COL14A1: variants seen among roughly 807,000 people sequenced by gnomAD.
The protein encoded by COL14A1 is collagen type XIV alpha 1 chain, also known as collagen alpha-1(XIV) chain.
In COL14A1, 136 loss-of-function variants were observed where a neutral mutation model predicts 230.3. The ratio of observed to expected loss-of-function variants is 0.59; its 90% CI spans 0.51 to 0.68. The LOEUF (loss-of-function observed/expected upper bound fraction) is 0.68. COL14A1 is among the 30% of genes least tolerant of loss of function. The probability of loss-of-function intolerance (pLI) is 0.00; values close to 1 mark genes in which losing one functional copy is unlikely to be tolerated. For missense variants in COL14A1, 1,976 were observed against 2,215.8 expected, an observed-to-expected ratio of 0.89 and a Z score of 2.17; for synonymous variants, 792 against 784.1, an observed-to-expected ratio of 1.01 and a Z score of -0.17.
intron 3 of COL14A1, among the ~76,000 whole-genome samples, chr8:120,159,613 C>T (rs914774199): frequency 3.3e-5 from 5 of 152,098 alleles, no homozygotes; most frequent in African/African-American, 1.2e-4. Context: ...TTGACGTAAA[C>T]ATTCAAACAA....
chr8:120,314,689 A>G (rs781505995), intron 38 of COL14A1, among the ~76,000 whole-genome samples: 1 of 152,224 alleles, frequency 6.6e-6, no homozygotes, highest in African/African-American at 2.4e-5. Flanking sequence ...TGCACATATG[A>G]TTGTGTCTGC....
At chr8:120,228,652 G>A in intron 17 of COL14A1, 58 bp from the exon 18 acceptor site, 2 of 1,302,298 alleles carry the variant, frequency 1.5e-6, no homozygotes, top group Non-Finnish European at 2.2e-6. Context: ...GCTACAACAT[G>A]CTATAGAAAA....
chr8:120,181,454 C>G (rs151133946), intron 5 of COL14A1, among the ~76,000 whole-genome samples: 317 of 152,290 alleles, frequency 2.1e-3, no homozygotes, highest in African/African-American at 7.2e-3. Context: ...CACATACACT[C>G]TCAATGGGAG....
chr8:120,140,236 C>T (rs1377888771), intron 1 of COL14A1, among the ~76,000 whole-genome samples: 1 of 152,190 alleles, frequency 6.6e-6, no homozygotes, highest in African/African-American at 2.4e-5. Context: ...TGTTCTGTTT[C>T]ATACTTATTT....
At chr8:120,131,145 A>G (rs1459078097) in intron 1 of COL14A1, among the ~76,000 whole-genome samples, 3 of 152,126 alleles carry the variant, frequency 2.0e-5, no homozygotes, top group Admixed American at 6.6e-5. Context: ...TTGATTTCAC[A>G]TCTTTGTTAT....
intron 13 of COL14A1, among the ~76,000 whole-genome samples, chr8:120,215,038 C>T (rs1408505836): frequency 6.6e-6 from 1 of 152,152 alleles, no homozygotes; most frequent in Non-Finnish European, 1.5e-5. Context: ...GCAGATGGAA[C>T]CAGTGAAATA....
At chr8:120,128,002 A>C (rs1258183882) in intron 1 of COL14A1, among the ~76,000 whole-genome samples, 1 of 152,200 alleles carries the variant, frequency 6.6e-6, no homozygotes, top group Non-Finnish European at 1.5e-5. Context: ...CTGACAGTAG[A>C]GTGGAGGGAG....
intron 22 of COL14A1, 136 bp downstream of exon 22, chr8:120,250,902 G>T (rs1358163696): frequency 6.5e-6 from 6 of 927,786 alleles, no homozygotes; most frequent in African/African-American, 3.3e-5. Flanking sequence ...CCGCCTCCAG[G>T]GTTCAAGTGA....
At chr8:120,168,906 A>G (rs1816006933) in intron 5 of COL14A1, among the ~76,000 whole-genome samples, 1 of 152,050 alleles carries the variant, frequency 6.6e-6, no homozygotes, top group African/African-American at 2.4e-5. Context: ...CCCAGGCTAG[A>G]ATTTAGTGTC....
chr8:120,274,579 A>G (rs1341110220), intron 26 of COL14A1, among the ~76,000 whole-genome samples: 2 of 151,718 alleles, frequency 1.3e-5, no homozygotes, highest in African/African-American at 4.8e-5. Context: ...TAGAGAACTT[A>G]AAGACTTCTC....
At chr8:120,349,050 A>C (rs1822646866) in intron 45 of COL14A1, among the ~76,000 whole-genome samples, 2 of 152,202 alleles carry the variant, frequency 1.3e-5, no homozygotes, top group Non-Finnish European at 2.9e-5. Flanking sequence ...GAGAACCGGC[A>C]GACTGCCTCC....
At chr8:120,238,683 G>A (rs973717001) in intron 19 of COL14A1, among the ~76,000 whole-genome samples, 2 of 152,206 alleles carry the variant, frequency 1.3e-5, no homozygotes, top group Non-Finnish European at 2.9e-5. Flanking sequence ...CTAGCTCGGT[G>A]TTTGCCCAGA....
intron 44 of COL14A1, among the ~76,000 whole-genome samples, chr8:120,344,018 G>T (rs1382684022): frequency 6.6e-6 from 1 of 152,174 alleles, no homozygotes; most frequent in Non-Finnish European, 1.5e-5. Context: ...AAAATCAAGG[G>T]TTCAAAATCA....
chr8:120,143,393 C>T (rs1354428248), intron 1 of COL14A1, among the ~76,000 whole-genome samples: 8 of 152,014 alleles, frequency 5.3e-5, no homozygotes, highest in Non-Finnish European at 7.4e-5. Flanking sequence ...CCGAGGTGGG[C>T]GGATCACAAG....
chr8:120,316,854 CA>C (rs1476217923), intron 40 of COL14A1, among the ~76,000 whole-genome samples: 3 of 152,046 alleles, frequency 2.0e-5, no homozygotes, highest in Admixed American at 2.0e-4. Context: ...TTTAGTATGG[CA>C]GAAGATTAGA....
At chr8:120,289,338 G>A (rs969402250) in intron 33 of COL14A1, among the ~76,000 whole-genome samples, 2 of 152,150 alleles carry the variant, frequency 1.3e-5, no homozygotes, top group Non-Finnish European at 2.9e-5. Context: ...AGATGCGATT[G>A]CTCTCGAGTT....
At chr8:120,159,485 G>C (rs563209592) in intron 3 of COL14A1, among the ~76,000 whole-genome samples, 2 of 151,398 alleles carry the variant, frequency 1.3e-5, no homozygotes, top group East Asian at 3.9e-4. Context: ...TCTTTTTATT[G>C]GTGATAAAGA....
chr8:120,264,941 G>T (rs1034586545), intron 24 of COL14A1, among the ~76,000 whole-genome samples: 1 of 152,108 alleles, frequency 6.6e-6, no homozygotes, highest in Non-Finnish European at 1.5e-5. Context: ...CTAACCTAGG[G>T]TTAAATCCAA....
At chr8:120,151,370 G>T (rs1052890987) in intron 2 of COL14A1, among the ~76,000 whole-genome samples, 7 of 152,028 alleles carry the variant, frequency 4.6e-5, no homozygotes, top group Middle Eastern at 3.2e-3. Context: ...AAATAGTCTG[G>T]TGGCTCACGT....
Sources: gnomAD v4.1 joint callset for allele counts (sites outside exome capture counted in the v4.1 genomes callset) on GRCh38, gnomAD v4.1.1 for gene constraint, MANE v1.5 for transcripts, NCBI Gene and HGNC (gene_info 2026-07-23, HGNC 2026-07-21) for gene names.